Variants in POFUT4 observed in about 807,000 individuals in gnomAD.
The protein encoded by POFUT4 is protein O-fucosyltransferase 4.
chr10:73,773,914 A>G, the POFUT4 span: 1 of 1,314,136 alleles, frequency 7.6e-7, no homozygotes, highest in Non-Finnish European at 1.0e-6. Flanking sequence ...TGCAGGAGGA[A>G]ATTATCACAT....
chr10:73,778,256 G>C, the POFUT4 span, among the ~76,000 whole-genome samples: 1 of 150,938 alleles, frequency 6.6e-6, no homozygotes, highest in Non-Finnish European at 1.5e-5. Flanking sequence ...AGCTGGGCAC[G>C]GTGGCTCACA....
chr10:73,772,921 G>A, the POFUT4 span: 1 of 1,610,408 alleles, frequency 6.2e-7, no homozygotes, highest in Middle Eastern at 1.7e-4. Flanking sequence ...CGGTGCCTCC[G>A]CCCATGGAAC....
chr10:73,776,383 AT>A, the POFUT4 span, among the ~76,000 whole-genome samples: 762 of 138,242 alleles, frequency 5.5e-3, 1 homozygote, highest in Non-Finnish European at 6.8e-3. Context: ...CCCAGCCCTA[AT>A]TTTTTTTTTT....
the POFUT4 span, chr10:73,778,705 A>T: frequency 2.0e-5 from 3 of 152,238 alleles, no homozygotes; most frequent in African/African-American, 7.2e-5. Context: ...GGATGCGGCC[A>T]AGAAAAGCTG....
At chr10:73,773,020 C>T in the POFUT4 span, 15 of 1,577,892 alleles carry the variant, frequency 9.5e-6, no homozygotes, top group East Asian at 4.5e-5. Context: ...GCTACGTGCG[C>T]GAGCTCATGC....
chr10:73,772,901 C>G, the POFUT4 span: 8 of 1,611,718 alleles, frequency 5.0e-6, no homozygotes. Flanking sequence ...GACCGCCTAT[C>G]TGCGCCGCCC....
the POFUT4 span, chr10:73,779,258 T>TAAA: frequency 3.6e-5 from 5 of 137,024 alleles, no homozygotes; most frequent in Middle Eastern, 3.6e-3. Context: ...GACCTCTGTC[T>TAAA]AAAAAAAAAA....
chr10:73,777,818 G>A, the POFUT4 span, among the ~76,000 whole-genome samples: 2 of 151,192 alleles, frequency 1.3e-5, no homozygotes, highest in Non-Finnish European at 2.9e-5. Context: ...GCCTCCCAAA[G>A]TCCTGGGATT....
chr10:73,774,477 A>G, the POFUT4 span: 1 of 152,172 alleles, frequency 6.6e-6, no homozygotes, highest in Middle Eastern at 3.4e-3. Context: ...GCCAGAGACA[A>G]TATAATATAT....
the POFUT4 span, chr10:73,775,692 T>C: frequency 6.8e-6 from 11 of 1,613,952 alleles, no homozygotes; most frequent in Non-Finnish European, 9.3e-6. Context: ...CTAAGTGCCC[T>C]TGCAAGAGCC....
the POFUT4 span, chr10:73,773,029 G>A: frequency 6.3e-7 from 1 of 1,576,712 alleles, no homozygotes; most frequent in Admixed American, 1.7e-5. Context: ...GCGAGCTCAT[G>A]CGCCACATCC....
chr10:73,772,490 C>T, the POFUT4 span: 1 of 1,555,474 alleles, frequency 6.4e-7, no homozygotes, highest in Admixed American at 1.9e-5. Context: ...GCCCTCGGCG[C>T]TGGGCGCAGT....
the POFUT4 span, chr10:73,774,321 G>A: frequency 2.0e-5 from 3 of 152,274 alleles, no homozygotes; most frequent in African/African-American, 2.4e-5. Context: ...TTTTTTAAGC[G>A]GCTGTGCTGA....
chr10:73,772,493 G>A, the POFUT4 span: 225 of 1,555,142 alleles, frequency 1.4e-4, no homozygotes, highest in Non-Finnish European at 1.8e-4. Flanking sequence ...CTCGGCGCTG[G>A]GCGCAGTGGG....
chr10:73,775,559 G>C, the POFUT4 span: 2 of 1,614,244 alleles, frequency 1.2e-6, no homozygotes. Flanking sequence ...AGATGTGGCT[G>C]CAAGATTATT....
At chr10:73,773,564 C>T in the POFUT4 span, 2 of 1,614,254 alleles carry the variant, frequency 1.2e-6, no homozygotes, top group Non-Finnish European at 1.7e-6. Flanking sequence ...GCATCACCAA[C>T]CAATTTCTTC....
chr10:73,775,041 CATA>C, the POFUT4 span: 2 of 212,152 alleles, frequency 9.4e-6, no homozygotes, highest in Non-Finnish European at 1.9e-5. Flanking sequence ...TGTATCTGAA[CATA>C]ATATGATTTA....
At chr10:73,773,378 G>A in the POFUT4 span, 1 of 1,614,196 alleles carries the variant, frequency 6.2e-7, no homozygotes, top group Non-Finnish European at 8.5e-7. Context: ...CCATGCACCT[G>A]GGCGCTGTGC....
At chr10:73,772,909 C>CTT in the POFUT4 span, 8 of 1,611,310 alleles carry the variant, frequency 5.0e-6, no homozygotes, top group African/African-American at 1.1e-4. Context: ...ATCTGCGCCG[C>CTT]CCGGTGCCTC....
Sources: gnomAD v4.1 joint callset for allele counts (sites outside exome capture counted in the v4.1 genomes callset) on GRCh38, gnomAD v4.1.1 for gene constraint, MANE v1.5 for transcripts, NCBI Gene and HGNC (gene_info 2026-07-23, HGNC 2026-07-21) for gene names.